CAMTA1: variants seen among roughly 807,000 people sequenced by gnomAD.
CAMTA1 encodes calmodulin binding transcription activator 1.
In CAMTA1, 27 loss-of-function variants were observed where a neutral mutation model predicts 170.9. The observed-to-expected ratio is 0.16, with a 90% CI of 0.12 to 0.22. The LOEUF (loss-of-function observed/expected upper bound fraction) is 0.22. Among genes scored for constraint, CAMTA1 ranks in the 10% least tolerant of loss-of-function variants. The probability of loss-of-function intolerance (pLI) is 1.00; values close to 1 mark genes in which losing one functional copy is unlikely to be tolerated. For synonymous variants in CAMTA1, 833 were observed against 891.5 expected (o/e 0.93, Z 1.17); for missense variants, 1,619 against 2,217.2 (o/e 0.73, Z 5.42).
At chr1:7,599,286 T>G (rs1163125183) in intron 6 of CAMTA1, among the ~76,000 whole-genome samples, 3 of 152,220 alleles carry the variant, frequency 2.0e-5, no homozygotes, top group Non-Finnish European at 4.4e-5. Context: ...TCTGTTCTGT[T>G]CCATTGGTCG....
intron 5 of CAMTA1, among the ~76,000 whole-genome samples, chr1:7,288,103 T>G (rs542907082): frequency 5.3e-5 from 8 of 152,196 alleles, no homozygotes; most frequent in Non-Finnish European, 1.0e-4. Flanking sequence ...GTATTACGTA[T>G]GGATAACTTG....
At chr1:6,849,762 T>A (rs1003819787) in intron 3 of CAMTA1, among the ~76,000 whole-genome samples, 1 of 152,134 alleles carries the variant, frequency 6.6e-6, no homozygotes, top group Non-Finnish European at 1.5e-5. Context: ...AGGCCGGATG[T>A]GGTGGCACAT....
At chr1:7,760,856 C>T (rs1213719112) in intron 22 of CAMTA1, among the ~76,000 whole-genome samples, 1 of 152,234 alleles carries the variant, frequency 6.6e-6, no homozygotes, top group Admixed American at 6.5e-5. Flanking sequence ...TCCCGCTGAA[C>T]TCCACTGACT....
chr1:7,700,318 G>C (rs893532109), intron 11 of CAMTA1, among the ~76,000 whole-genome samples: 2 of 152,074 alleles, frequency 1.3e-5, no homozygotes, highest in African/African-American at 2.4e-5. Context: ...AGCTTTACCT[G>C]TGGCTTTTTA....
At chr1:7,697,934 G>C in intron 11 of CAMTA1, among the ~76,000 whole-genome samples, 1 of 152,104 alleles carries the variant, frequency 6.6e-6, no homozygotes, top group East Asian at 1.9e-4. Context: ...ATGAGAATGG[G>C]TACTTTCTCT....
chr1:7,758,889 A>C (rs912913371), intron 22 of CAMTA1, among the ~76,000 whole-genome samples: 4 of 145,590 alleles, frequency 2.7e-5, no homozygotes, highest in Non-Finnish European at 4.5e-5. Flanking sequence ...GAGCCGAGAT[A>C]GCGCCACTGC....
intron 4 of CAMTA1, among the ~76,000 whole-genome samples, chr1:7,117,020 G>A (rs1009681736): frequency 2.0e-5 from 3 of 151,698 alleles, no homozygotes; most frequent in Admixed American, 6.6e-5. Context: ...CCAGGCTGGA[G>A]TGCAGTGGCA....
chr1:7,239,619 A>G (rs1304958793), intron 4 of CAMTA1, among the ~76,000 whole-genome samples: 1 of 147,386 alleles, frequency 6.8e-6, no homozygotes, highest in African/African-American at 2.5e-5. Context: ...AAGAGTTCTC[A>G]ATAGCTTCAA....
At chr1:7,125,099 CCT>C (rs1414829822) in intron 4 of CAMTA1, among the ~76,000 whole-genome samples, 1 of 152,032 alleles carries the variant, frequency 6.6e-6, no homozygotes, top group Non-Finnish European at 1.5e-5. Context: ...GTCCCTGCTC[CCT>C]GAGTAGAGTT....
intron 5 of CAMTA1, among the ~76,000 whole-genome samples, chr1:7,362,803 T>G (rs1395023917): frequency 6.6e-6 from 1 of 151,546 alleles, no homozygotes; most frequent in Non-Finnish European, 1.5e-5. Context: ...TTGAATAGAC[T>G]GAGTAGACTT....
At chr1:7,464,544 C>A (rs980282758) in intron 5 of CAMTA1, among the ~76,000 whole-genome samples, 1 of 152,164 alleles carries the variant, frequency 6.6e-6, no homozygotes, top group African/African-American at 2.4e-5. Context: ...GCGGTGGTAG[C>A]AGCTAGAGCC....
intron 3 of CAMTA1, among the ~76,000 whole-genome samples, chr1:7,036,191 G>A (rs963137007): frequency 1.3e-5 from 2 of 152,110 alleles, no homozygotes; most frequent in Non-Finnish European, 2.9e-5. Flanking sequence ...GATATCTAGT[G>A]AATTTTTATG....
At position 7,648,790 on chromosome 1, in the gene CAMTA1, TTC is replaced by T. The variant is rs951189583; in HGVS notation, c.664+8239_664+8240del. On this transcript the variant is annotated intron_variant, in intron 7 of 22. Transcript: ENST00000303635. ...TGAAAGGCAGGCCCTTCCCCAGACA[TTC>T]TGACTCCCTGGGTCTGGAGTGGGCT... Among the ~76,000 whole-genome samples, 362 of 152,230 alleles carry T rather than the reference TTC, an allele frequency of 2.4e-3. 1 individual carries two copies. The highest frequency in any genetic ancestry group is 8.1e-3 in the African/African-American group (338 of 41,566).
intron 5 of CAMTA1, among the ~76,000 whole-genome samples, chr1:7,377,642 C>A (rs189399487): frequency 1.4e-4 from 22 of 152,320 alleles, no homozygotes; most frequent in Admixed American, 1.2e-3. Context: ...TGAACCAAAT[C>A]CAGTCCACCA....
rs533088767 is a variant in CAMTA1, at chr1:7,293,715, T to G, written c.438+44089T>G. On this transcript the variant is annotated intron_variant, in intron 5 of 22. Transcript: ENST00000303635. This position sits in a 1 kb window ranked among gnomAD's most constrained non-coding sequence, Gnocchi z 4.1. ...AGTCTAAACATGAATTATCCCAGCTTAATGCTTCAAGTTATTGGGGTTCCC... is the reference window on the plus strand; with the variant it reads ...AGTCTAAACATGAATTATCCCAGCTGAATGCTTCAAGTTATTGGGGTTCCC... Among the ~76,000 whole-genome samples the G allele has an allele frequency of 2.2e-4, 34 of 152,314 alleles. No individual in the cohort carries two copies. Among genetic ancestry groups the G allele is most frequent in the African/African-American group, 7.9e-4 (33 of 41,582 alleles).
At chr1:7,543,916 G>T (rs2150124879) in intron 6 of CAMTA1, among the ~76,000 whole-genome samples, 1 of 152,130 alleles carries the variant, frequency 6.6e-6, no homozygotes, top group South Asian at 2.1e-4. Context: ...CAGATTCTGG[G>T]TGTGCAACCT....
intron 2 of CAMTA1, among the ~76,000 whole-genome samples, chr1:6,823,503 G>T (rs1646759651): frequency 6.6e-6 from 1 of 152,004 alleles, no homozygotes; most frequent in Non-Finnish European, 1.5e-5. Context: ...TAGAGGATGG[G>T]TATTATAATT....
At chr1:7,128,877 G>A (rs1171551201) in intron 4 of CAMTA1, among the ~76,000 whole-genome samples, 1 of 112,348 alleles carries the variant, frequency 8.9e-6, no homozygotes, top group Non-Finnish European at 1.7e-5. Flanking sequence ...GTCTTGCTCT[G>A]TTGGCCAGGC....
At chr1:7,003,586 C>T (rs1169552232) in intron 3 of CAMTA1, among the ~76,000 whole-genome samples, 1 of 151,688 alleles carries the variant, frequency 6.6e-6, no homozygotes, top group Non-Finnish European at 1.5e-5. Flanking sequence ...AGCTCCTGGA[C>T]TTTATTATTA....
Sources: gnomAD v4.1 joint callset for allele counts (sites outside exome capture counted in the v4.1 genomes callset) on GRCh38, gnomAD v4.1.1 for gene constraint, Gnocchi (gnomAD v3.1) non-coding constraint, MANE v1.5 for transcripts, NCBI Gene and HGNC (gene_info 2026-07-23, HGNC 2026-07-21) for gene names.